The following ABCC5 variants were observed in gnomAD, a reference collection of about 807,000 sequenced individuals.
The protein encoded by ABCC5 is ATP-binding cassette sub-family C member 5.
A neutral mutation model predicts 160.9 loss-of-function variants in ABCC5; 61 were observed. The observed-to-expected ratio is 0.38, with a 90% CI of 0.31 to 0.47. The LOEUF is 0.47. Ranked by LOEUF, ABCC5 falls within the 20% of genes least tolerant of loss-of-function variation. The probability of loss-of-function intolerance (pLI) is 0.99; values close to 1 mark genes in which losing one functional copy is unlikely to be tolerated. For missense variants in ABCC5, 1,308 were observed against 1,813.3 expected, an observed-to-expected ratio of 0.72 and a Z score of 5.06; for synonymous variants, 666 against 700.6, an observed-to-expected ratio of 0.95 and a Z score of 0.78.
Position 183,921,206 on chromosome 3 carries a change from G to C in ABCC5, c.*94C>G. ...CTGTGCGAAAGATAAAATCGAGAAA[G>C]GCAAGGTTTCGGTAGGAGGACGCGA... On this transcript the variant is annotated 3_prime_UTR_variant, in exon 30 of 30. Transcript: ENST00000334444. This position sits in a 1 kb window ranked among gnomAD's most constrained non-coding sequence, Gnocchi z 4.1. 1.5e-6 allele frequency: 1 copy of C among 650,064 alleles called. No individual in the cohort carries two copies. The highest frequency in any genetic ancestry group is 2.6e-4 in the Middle Eastern group (1 of 3,800). 40.3% of individuals were successfully genotyped at this position (650,064 alleles called of 1,614,324 possible).
chr3:183,959,912 A>G (rs2108814933), intron 16 of ABCC5, 77 bp from the exon 17 acceptor site: 1 of 1,032,588 alleles, frequency 9.7e-7, no homozygotes, highest in Non-Finnish European at 1.4e-6. Flanking sequence ...ATATTAGGGA[A>G]TCATCAATTA....
At chr3:183,964,454 G>T (rs1717042937) in intron 14 of ABCC5, among the ~76,000 whole-genome samples, 1 of 152,334 alleles carries the variant, frequency 6.6e-6, no homozygotes, top group Non-Finnish European at 1.5e-5. Context: ...TACCTGCAGG[G>T]TTTGTTAAAA....
intron 11 of ABCC5, among the ~76,000 whole-genome samples, chr3:183,969,692 A>C (rs1239819490): frequency 2.0e-5 from 2 of 100,270 alleles, no homozygotes; most frequent in African/African-American, 1.3e-4. Context: ...ACTCTGTCTC[A>C]AAAAAAAAAA....
At chr3:183,926,540 ACT>A (rs1712582724) in intron 28 of ABCC5, among the ~76,000 whole-genome samples, 1 of 151,422 alleles carries the variant, frequency 6.6e-6, no homozygotes, top group Admixed American at 6.6e-5. Flanking sequence ...GCAGAGTGAG[ACT>A]CTGTCTCAAA....
rs182120117 is a variant in ABCC5, at chr3:184,002,090, A to G, written c.129+12174T>C. ...GCAGGAGTAAGGTCACAGGGAAGCT[A>G]AAGAGGGACAATGAAGTTCAGATTC... On this transcript the variant is annotated intron_variant, in intron 2 of 29. Transcript: ENST00000334444. Among the ~76,000 whole-genome samples, 315 of 152,288 alleles carry G rather than the reference A, an allele frequency of 2.1e-3. 1 individual carries two copies. Among genetic ancestry groups the G allele is most frequent in the African/African-American group, 7.1e-3 (295 of 41,570 alleles).
chr3:183,961,227 C>T (rs577437725), intron 16 of ABCC5, among the ~76,000 whole-genome samples: 1 of 152,326 alleles, frequency 6.6e-6, no homozygotes, highest in African/African-American at 2.4e-5. Flanking sequence ...AACAGCAGCA[C>T]ACATCTTCTC....
intron 2 of ABCC5, among the ~76,000 whole-genome samples, chr3:184,000,000 A>C (rs1274875321): frequency 6.6e-6 from 1 of 152,080 alleles, no homozygotes; most frequent in Non-Finnish European, 1.5e-5. Flanking sequence ...AGAGGTTCAA[A>C]CATGAAAAGG....
At chr3:184,002,962 T>A (rs1720875141) in intron 2 of ABCC5, among the ~76,000 whole-genome samples, 1 of 152,154 alleles carries the variant, frequency 6.6e-6, no homozygotes, top group Non-Finnish European at 1.5e-5. Context: ...TAAAGCGGTA[T>A]CTGGGGCACA....
chr3:184,011,153 C>G (rs2108927413), intron 2 of ABCC5: 1 of 152,400 alleles, frequency 6.6e-6, no homozygotes, highest in South Asian at 2.1e-4. Flanking sequence ...CTAGAAACGC[C>G]TTTCCTCCAT....
chr3:183,924,384 T>A (rs914275554), intron 29 of ABCC5, among the ~76,000 whole-genome samples: 1 of 152,126 alleles, frequency 6.6e-6, no homozygotes, highest in South Asian at 2.1e-4. Context: ...GAATCCAGGC[T>A]ATGTCTTTCT....
At chr3:183,983,920 CG>C (rs1718969218) in intron 5 of ABCC5, 1 of 985,288 alleles carries the variant, frequency 1.0e-6, no homozygotes, top group African/African-American at 1.7e-5. Flanking sequence ...TGGTCTCCGA[CG>C]GTTGTTTAAC....
At chr3:183,952,178 A>C (rs1715428224) in intron 18 of ABCC5, among the ~76,000 whole-genome samples, 175 bp from the exon 19 acceptor site, 2 of 129,184 alleles carry the variant, frequency 1.5e-5, no homozygotes, top group African/African-American at 3.1e-5. Context: ...ACAGTGTCTC[A>C]CTCTGTCACC....
At chr3:183,945,357 T>C (rs547105538) in intron 24 of ABCC5, among the ~76,000 whole-genome samples, 1 of 152,248 alleles carries the variant, frequency 6.6e-6, no homozygotes, top group East Asian at 1.9e-4. Flanking sequence ...ATTTACTCGT[T>C]TGTAAGTTGG....
chr3:183,996,063 T>G (rs1378109821), intron 2 of ABCC5, among the ~76,000 whole-genome samples: 2 of 152,150 alleles, frequency 1.3e-5, no homozygotes, highest in Non-Finnish European at 2.9e-5. Flanking sequence ...TGCCTCGGCC[T>G]CCCAAAGTGT....
intron 29 of ABCC5, among the ~76,000 whole-genome samples, 164 bp downstream of exon 29, chr3:183,925,391 T>C (rs1466677157): frequency 6.6e-6 from 1 of 152,210 alleles, no homozygotes; most frequent in African/African-American, 2.4e-5. Context: ...CTGAGTAATC[T>C]TGTGATTCGG....
intron 10 of ABCC5, among the ~76,000 whole-genome samples, chr3:183,972,732 C>T (rs1035284684): frequency 1.3e-5 from 2 of 152,130 alleles, no homozygotes; most frequent in African/African-American, 4.8e-5. Context: ...GCAACCTCCA[C>T]CTCCCAGGTT....
intron 17 of ABCC5, among the ~76,000 whole-genome samples, chr3:183,954,641 T>G (rs568923775): frequency 2.3e-4 from 35 of 152,224 alleles, no homozygotes; most frequent in African/African-American, 8.4e-4. Context: ...AAGGTTCAAA[T>G]ATATTCCTGA....
At chr3:183,939,836 G>A (rs1348496288) in intron 25 of ABCC5, among the ~76,000 whole-genome samples, 3 of 152,110 alleles carry the variant, frequency 2.0e-5, no homozygotes, top group Admixed American at 6.5e-5. Context: ...TTGGCTGTAC[G>A]CCTGGTTCTT....
chr3:183,940,054 CAT>C (rs1384339001), intron 25 of ABCC5, among the ~76,000 whole-genome samples: 1 of 152,166 alleles, frequency 6.6e-6, no homozygotes, highest in African/African-American at 2.4e-5. Context: ...GAAAAACACC[CAT>C]AAGACTTGGA....
Sources: gnomAD v4.1 joint callset for allele counts (sites outside exome capture counted in the v4.1 genomes callset) on GRCh38, gnomAD v4.1.1 for gene constraint, Gnocchi (gnomAD v3.1) non-coding constraint, MANE v1.5 for transcripts, NCBI Gene and HGNC (gene_info 2026-07-23, HGNC 2026-07-21) for gene names.